HECW1: variants seen among roughly 807,000 people sequenced by gnomAD.
The protein encoded by HECW1 is HECT, C2 and WW domain containing E3 ubiquitin protein ligase 1, also known as E3 ubiquitin-protein ligase HECW1.
A neutral mutation model predicts 182.3 loss-of-function variants in HECW1; 61 were observed. The ratio of observed to expected loss-of-function variants is 0.33; its 90% confidence interval spans 0.27 to 0.41. The LOEUF is 0.41. Among genes scored for constraint, HECW1 ranks in the 10% least tolerant of loss-of-function variants. The probability of loss-of-function intolerance (pLI) is 1.00; values close to 1 mark genes in which losing one functional copy is unlikely to be tolerated. For missense variants in HECW1, 1,739 were observed against 2,108.9 expected (o/e 0.82, Z 3.44); for synonymous variants, 859 against 832.6 (o/e 1.03, Z -0.55).
intron 3 of HECW1, among the ~76,000 whole-genome samples, chr7:43,301,855 A>C (rs1159203644): frequency 2.7e-5 from 4 of 149,766 alleles, no homozygotes; most frequent in Non-Finnish European, 5.9e-5. Context: ...AGCCTAGGCA[A>C]CAAGAGTGGA....
chr7:43,395,581 C>T (rs932202282), intron 6 of HECW1, among the ~76,000 whole-genome samples: 6 of 152,148 alleles, frequency 3.9e-5, no homozygotes, highest in Non-Finnish European at 7.4e-5. Context: ...GGCCTGGTGC[C>T]GAGCCCCATT....
At chr7:43,542,091 G>T (rs967957017) in intron 26 of HECW1, 93 bp downstream of exon 26, 2 of 1,108,916 alleles carry the variant, frequency 1.8e-6, no homozygotes, top group Non-Finnish European at 2.4e-6. Context: ...ATTTTTAAGT[G>T]TAGACTTCAG....
At chr7:43,207,864 C>T (rs1025882819) in intron 2 of HECW1, 22 of 152,190 alleles carry the variant, frequency 1.4e-4, no homozygotes, top group African/African-American at 5.1e-4. Flanking sequence ...CAGAAATGAA[C>T]ACTGCCATTA....
chr7:43,221,679 G>A (rs150326388), intron 2 of HECW1, among the ~76,000 whole-genome samples: 2,984 of 147,094 alleles, frequency 0.02, 92 homozygotes, highest in African/African-American at 0.057. Context: ...TCAGCCTCCC[G>A]AGTAGCTGGG....
At position 43,561,941 on chromosome 7, in the gene HECW1, G is replaced by A. The variant is rs771460179; in HGVS notation, c.*15G>A. ...GACTTGAGTGAGGACATGGAACCTC[G>A]CCTGACATTTTCCTGGCCAGTGACA... On this transcript the variant is annotated 3_prime_UTR_variant, in exon 30 of 30. Transcript: ENST00000395891. The A allele has an allele frequency of 1.6e-5, 24 of 1,489,364 alleles. No homozygotes were observed. Among genetic ancestry groups the A allele is most frequent in the East Asian group, 2.3e-5 (1 of 44,274 alleles). 92.3% of individuals were successfully genotyped at this position (1,489,364 alleles called of 1,614,324 possible). A position where few individuals can be genotyped will look rare whatever the true frequency, so the allele number is the denominator to read the frequency against.
At chr7:43,541,757 T>C (rs12534814) in intron 25 of HECW1, 112 bp from the exon 26 acceptor site, 112,548 of 968,512 alleles carry the variant, frequency 0.12, 7,842 homozygotes, top group East Asian at 0.31. Context: ...AAGTATCCAA[T>C]TGTTAGGATA....
At chr7:43,521,679 C>T (rs2080483117) in intron 24 of HECW1, among the ~76,000 whole-genome samples, 1 of 152,110 alleles carries the variant, frequency 6.6e-6, no homozygotes, top group Non-Finnish European at 1.5e-5. Flanking sequence ...AGTTCAAGAC[C>T]AGTCTGACAA....
intron 2 of HECW1, among the ~76,000 whole-genome samples, chr7:43,138,350 T>C (rs1787792757): frequency 6.6e-6 from 1 of 152,102 alleles, no homozygotes; most frequent in Non-Finnish European, 1.5e-5. Flanking sequence ...AAAACATGAG[T>C]TTTTTGTTTT....
At chr7:43,467,420 G>C (rs1217008852) in intron 15 of HECW1, among the ~76,000 whole-genome samples, 1 of 151,984 alleles carries the variant, frequency 6.6e-6, no homozygotes, top group Non-Finnish European at 1.5e-5. Flanking sequence ...TGGTGAGTGT[G>C]GGTGGCTGGC....
intron 26 of HECW1, among the ~76,000 whole-genome samples, chr7:43,543,607 C>T (rs1033665422): frequency 6.6e-6 from 1 of 151,818 alleles, no homozygotes; most frequent in South Asian, 2.1e-4. Flanking sequence ...GGTGAAACCC[C>T]GTCTCTACTA....
chr7:43,476,381 T>C (rs1412700117), intron 16 of HECW1, among the ~76,000 whole-genome samples: 5 of 152,170 alleles, frequency 3.3e-5, no homozygotes, highest in Non-Finnish European at 2.9e-5. Context: ...TTAATAGACA[T>C]GTTCAGAAAT....
chr7:43,226,623 T>A (rs1047980749), intron 2 of HECW1, among the ~76,000 whole-genome samples: 14 of 152,154 alleles, frequency 9.2e-5, no homozygotes, highest in African/African-American at 3.1e-4. Context: ...TCGTTCCAGA[T>A]CCTTGACGAA....
chr7:43,166,628 T>C (rs944520982), intron 2 of HECW1, among the ~76,000 whole-genome samples: 3 of 152,242 alleles, frequency 2.0e-5, no homozygotes, highest in Non-Finnish European at 2.9e-5. Flanking sequence ...CATTGTACAG[T>C]ATACATTATC....
Position 43,396,852 on chromosome 7 carries a change from A to G in HECW1, c.594A>G (p.Gly198=). 5 of 1,613,120 alleles carry G rather than the reference A, an allele frequency of 3.1e-6. No individual in the cohort carries two copies. The highest frequency in any genetic ancestry group is 4.2e-6 in the Non-Finnish European group (5 of 1,179,772). The part of the protein sequence containing the change: ...KSIGADETVQ[G]QGSRRLISFS... ...TTGGTGCTGATGAGACCGTCCAAGGACAAGGAAGTCGGAGGCTGATCAGCT... is the reference window on the plus strand; with the variant it reads ...TTGGTGCTGATGAGACCGTCCAAGGGCAAGGAAGTCGGAGGCTGATCAGCT... The change falls in exon 7 of 30, where the codon GGA becomes GGG. Residue 198 remains glycine, a synonymous_variant. Coordinates refer to ENST00000395891, the MANE Select transcript of HECW1 (RefSeq NM_015052.5).
chr7:43,314,945 G>A (rs1562823797), intron 4 of HECW1, among the ~76,000 whole-genome samples: 1 of 152,216 alleles, frequency 6.6e-6, no homozygotes, highest in African/African-American at 2.4e-5. Flanking sequence ...CAGTCACACA[G>A]CTGCCTCCCC....
intron 2 of HECW1, chr7:43,150,887 C>T (rs755497747): frequency 3.2e-5 from 5 of 154,878 alleles, no homozygotes; most frequent in Admixed American, 6.5e-5. Context: ...TCTTTATCAG[C>T]GCCCCCCCAC....
At chr7:43,210,010 G>A (rs1397831345) in intron 2 of HECW1, among the ~76,000 whole-genome samples, 1 of 152,156 alleles carries the variant, frequency 6.6e-6, no homozygotes, top group Admixed American at 6.5e-5. Flanking sequence ...CCAAAGCGAA[G>A]GTGGGACAGA....
chr7:43,260,987 T>A (rs1203593189), intron 3 of HECW1, among the ~76,000 whole-genome samples: 6 of 152,210 alleles, frequency 3.9e-5, no homozygotes, highest in African/African-American at 1.4e-4. Context: ...TTTGCCCCAG[T>A]TTTACAGATG....
At chr7:43,507,774 C>T (rs2079648279) in intron 22 of HECW1, among the ~76,000 whole-genome samples, 1 of 152,198 alleles carries the variant, frequency 6.6e-6, no homozygotes, top group Admixed American at 6.5e-5. Flanking sequence ...AATGAATTAT[C>T]TTAAAAGTAG....
Sources: gnomAD v4.1 joint callset for allele counts (sites outside exome capture counted in the v4.1 genomes callset) on GRCh38, gnomAD v4.1.1 for gene constraint, MANE v1.5 for transcripts, NCBI Gene and HGNC (gene_info 2026-07-23, HGNC 2026-07-21) for gene names.